Variants in BBOF1 observed in about 807,000 individuals in gnomAD.
The protein encoded by BBOF1 is basal body orientation factor 1.
Under a neutral mutation model 68.0 loss-of-function variants are expected in BBOF1, and 62 were observed. The ratio of observed to expected loss-of-function variants is 0.91; its 90% CI spans 0.74 to 1.13. The LOEUF is 1.13. BBOF1 is among the 50% of genes most tolerant of loss of function. The pLI, the probability that BBOF1 is intolerant of heterozygous loss-of-function variation, is 0.00. For missense variants in BBOF1, 534 were observed against 600.1 expected (o/e 0.89, Z 1.15); for synonymous variants, 208 against 198.8 (o/e 1.05, Z -0.39).
intron 1 of BBOF1, among the ~76,000 whole-genome samples, chr14:74,019,887 G>A (rs936649998): frequency 1.3e-5 from 2 of 152,208 alleles, no homozygotes; most frequent in Admixed American, 1.3e-4. Context: ...CCCCTTACAG[G>A]CCTGGAGTTG....
chr14:74,045,175 T>C (rs2336751), intron 5 of BBOF1, among the ~76,000 whole-genome samples: 25,260 of 152,206 alleles, frequency 0.17, 2,611 homozygotes, highest in East Asian at 0.57. Flanking sequence ...CAAAACATGA[T>C]AATTATTGCT....
intron 1 of BBOF1, among the ~76,000 whole-genome samples, chr14:74,021,909 C>T (rs1261904745): frequency 6.6e-6 from 1 of 151,350 alleles, no homozygotes; most frequent in East Asian, 1.9e-4. Flanking sequence ...TCCGTCCCTC[C>T]CCCAGAAAAA....
At chr14:74,020,914 C>T (rs2059273719) in intron 1 of BBOF1, among the ~76,000 whole-genome samples, 1 of 152,044 alleles carries the variant, frequency 6.6e-6, no homozygotes, top group Non-Finnish European at 1.5e-5. Context: ...CTATAACAGG[C>T]TGAGGGGTTG....
intron 8 of BBOF1, among the ~76,000 whole-genome samples, chr14:74,051,823 C>T (rs2060073422): frequency 6.6e-6 from 1 of 151,692 alleles, no homozygotes; most frequent in Non-Finnish European, 1.5e-5. Context: ...CTCAAGTGAT[C>T]CTCCTGCCTC....
downstream of BBOF1, chr14:74,070,556 T>G (rs1021778697): frequency 6.6e-6 from 1 of 152,666 alleles, no homozygotes; most frequent in Non-Finnish European, 1.5e-5. Flanking sequence ...ATGGTGACTA[T>G]GTACTGGGAC....
rs1431145063 is a variant in BBOF1, at chr14:74,037,323, G to A, written c.495+3152G>A. 3.3e-5 allele frequency among the ~76,000 whole-genome samples: 4 copies of A among 122,692 alleles called. No individual in the cohort carries two copies. The East Asian group carries it at 7.1e-4, about 22-fold the overall frequency. 80.5% of individuals were successfully genotyped at this position (122,692 alleles called of 152,430 possible). The stretch of plus-strand genomic sequence containing the variant: ...TTTTCTTTTCTTGAGACAGAGTCTC[G>A]CTCTTTTACCCAGGCTGGAGTGCAG... On this transcript the variant is annotated intron_variant, in intron 4 of 11. Transcript: ENST00000394009.
intron 1 of BBOF1, among the ~76,000 whole-genome samples, chr14:74,021,266 C>G (rs1309910017): frequency 6.6e-6 from 1 of 152,086 alleles, no homozygotes; most frequent in Non-Finnish European, 1.5e-5. Flanking sequence ...CTCTCCACCT[C>G]TATATAAATG....
At chr14:74,057,635 G>A (rs1395376409) in intron 11 of BBOF1, 2 of 1,329,938 alleles carry the variant, frequency 1.5e-6, no homozygotes, top group Non-Finnish European at 2.0e-6. Flanking sequence ...CTTATAAGGA[G>A]ATATGAAATG....
At chr14:74,031,550 T>A (rs2059570566) in intron 3 of BBOF1, among the ~76,000 whole-genome samples, 1 of 152,148 alleles carries the variant, frequency 6.6e-6, no homozygotes, top group Non-Finnish European at 1.5e-5. Context: ...GTATCTCTCA[T>A]CATTCTGGAG....
chr14:74,055,577 T>C lies in BBOF1; in HGVS notation c.1287-7T>C. 1 of 1,594,448 alleles carries C rather than the reference T, an allele frequency of 6.3e-7. No individual in the cohort carries two copies. The highest frequency in any genetic ancestry group is 8.6e-7 in the Non-Finnish European group (1 of 1,168,590). On this transcript the variant is annotated splice_polypyrimidine_tract_variant and splice_region_variant and intron_variant, in intron 8 of 11. Transcript: ENST00000394009. ...TTTTCACATTTTTTTCCTTTGAAAT[T>C]CTTTAGGACACATATTGAAGGAAAT...
chr14:74,045,669 T>TA (rs1431598094), intron 5 of BBOF1, among the ~76,000 whole-genome samples: 2 of 152,086 alleles, frequency 1.3e-5, no homozygotes, highest in African/African-American at 4.8e-5. Flanking sequence ...CTACACCAAG[T>TA]AAAAAAGAGA....
chr14:74,028,890 T>C, intron 2 of BBOF1, among the ~76,000 whole-genome samples: 1 of 151,684 alleles, frequency 6.6e-6, no homozygotes, highest in East Asian at 2.0e-4. Context: ...ATAGTTTTAG[T>C]AGAGAAGGGG....
chr14:74,037,274 CTTTTTTTTTTTTTTT>C (rs892262272), intron 4 of BBOF1, among the ~76,000 whole-genome samples: 19 of 66,014 alleles, frequency 2.9e-4, no homozygotes, highest in Admixed American at 1.2e-3. Context: ...CGCCTGGCCT[CTTTTTTTTTTTTTTT>C]TTTTTTTTTT....
intron 10 of BBOF1, among the ~76,000 whole-genome samples, chr14:74,080,441 C>A (rs1047206967): frequency 6.7e-6 from 1 of 149,270 alleles, no homozygotes; most frequent in Non-Finnish European, 1.5e-5. Context: ...AACCACAGCT[C>A]ACTGTAGCCT....
intron 2 of BBOF1, among the ~76,000 whole-genome samples, chr14:74,026,664 C>T (rs2059435540): frequency 6.6e-6 from 1 of 152,016 alleles, no homozygotes; most frequent in African/African-American, 2.4e-5. Flanking sequence ...GTGGCTCACA[C>T]CTGTAATCCC....
chr14:74,046,576 T>C (rs1004891715), intron 6 of BBOF1, among the ~76,000 whole-genome samples: 1 of 152,096 alleles, frequency 6.6e-6, no homozygotes, highest in African/African-American at 2.4e-5. Flanking sequence ...TTTCGCCATG[T>C]TGGCCGGGCT....
intron 9 of BBOF1, chr14:74,072,096 T>A: frequency 6.4e-7 from 1 of 1,562,678 alleles, no homozygotes; most frequent in Non-Finnish European, 8.8e-7. Flanking sequence ...ATGATCAACG[T>A]CTCTGCATAC....
intron 2 of BBOF1, among the ~76,000 whole-genome samples, chr14:74,026,779 G>A (rs1173142807): frequency 2.0e-5 from 3 of 151,872 alleles, no homozygotes; most frequent in Non-Finnish European, 2.9e-5. Context: ...ACAAAAATTA[G>A]CCGGGTGTGG....
At chr14:74,061,318 TTGA>T (rs2060336261) in intron 11 of BBOF1, among the ~76,000 whole-genome samples, 1 of 151,028 alleles carries the variant, frequency 6.6e-6, no homozygotes, top group Non-Finnish European at 1.5e-5. Context: ...TTTATTTATT[TTGA>T]GACAGAGTCT....
Sources: allele counts gnomAD v4.1 joint callset (sites outside exome capture counted in the v4.1 genomes callset), GRCh38; gene constraint gnomAD v4.1.1; transcripts MANE v1.5; gene names NCBI Gene and HGNC (gene_info 2026-07-23, HGNC 2026-07-21).